ERBB4: variants seen among roughly 807,000 people sequenced by gnomAD.
ERBB4 encodes the protein receptor tyrosine-protein kinase erbB-4.
In ERBB4, 42 loss-of-function variants were observed where a neutral mutation model predicts 158.0. The observed-to-expected ratio is 0.27, with a 90% CI of 0.21 to 0.34. The LOEUF (loss-of-function observed/expected upper bound fraction) is 0.34, where lower values mean the gene tolerates loss of function less well. Among genes scored for constraint, ERBB4 ranks in the 10% least tolerant of loss-of-function variants. The probability of loss-of-function intolerance (pLI) is 1.00; values close to 1 mark genes in which losing one functional copy is unlikely to be tolerated. For missense variants in ERBB4, 1,333 were observed against 1,624.1 expected, an observed-to-expected ratio of 0.82 and a Z score of 3.08; for synonymous variants, 583 against 558.7, an observed-to-expected ratio of 1.04 and a Z score of -0.61.
chr2:211,769,160 A>C (rs1464371744), intron 4 of ERBB4, among the ~76,000 whole-genome samples: 3 of 152,220 alleles, frequency 2.0e-5, no homozygotes. Flanking sequence ...AAATGCTGCC[A>C]GTCTCTTTGC....
At chr2:211,802,475 C>A (rs2076522779) in intron 3 of ERBB4, among the ~76,000 whole-genome samples, 1 of 152,146 alleles carries the variant, frequency 6.6e-6, no homozygotes, top group Non-Finnish European at 1.5e-5. Flanking sequence ...AAGTTCAGAA[C>A]AATTAGCTGG....
In ERBB4 at chr2:211,587,040, T is replaced by C. The variant is rs564200044; in HGVS notation, c.2302-24952A>G. Among the ~76,000 whole-genome samples, 6 of 152,220 alleles carry C rather than the reference T, an allele frequency of 3.9e-5. No individual in the cohort carries two copies. In the South Asian group the frequency reaches 6.2e-4, roughly 16 times the overall value. On this transcript the variant is annotated intron_variant, in intron 19 of 27. Transcript: ENST00000342788. The stretch of plus-strand genomic sequence containing the variant: ...CTATTGTAAAATCAAAAAATTAAGT[T>C]GAACCATTGTAAGTGAGGAACCATC...
At chr2:212,234,035 C>A (rs1352176345) in intron 1 of ERBB4, among the ~76,000 whole-genome samples, 3 of 150,880 alleles carry the variant, frequency 2.0e-5, no homozygotes, top group Non-Finnish European at 4.4e-5. Context: ...GTGCAGAACG[C>A]ACAGGTTTGT....
rs912040311 is a variant in ERBB4, at chr2:211,916,157, AATT to A, written c.421+31270_421+31272del. 5.9e-5 allele frequency among the ~76,000 whole-genome samples: 9 copies of A among 151,338 alleles called. No homozygotes were observed. In the East Asian group the frequency reaches 1.2e-3, roughly 20 times the overall value. ...AAGCCAAGTTTACGCTATTGGATGA[AATT>A]ATTATTATTATTATTATTTATTTTG... On this transcript the variant is annotated intron_variant, in intron 3 of 27. Transcript: ENST00000342788.
chr2:212,126,362 A>C lies in ERBB4; in HGVS notation c.83-1459T>G, dbSNP rs1325237672. 2.0e-5 allele frequency among the ~76,000 whole-genome samples: 3 copies of C among 150,208 alleles called. No homozygotes were observed. The Admixed American group carries it at 2.0e-4, about 10-fold the overall frequency. On this transcript the variant is annotated intron_variant, in intron 1 of 27. Coordinates refer to ENST00000342788, the MANE Select transcript of ERBB4 (RefSeq NM_005235.3). Reference sequence around the variant, plus strand: ...GTAATCCCAGCTACTCGGGAGCCTGAGGCAGGAGAATAACTTGAATCTGGG... The same window carrying C: ...GTAATCCCAGCTACTCGGGAGCCTGCGGCAGGAGAATAACTTGAATCTGGG...
At chr2:211,841,556 T>C (rs886827106) in intron 3 of ERBB4, among the ~76,000 whole-genome samples, 73 of 152,142 alleles carry the variant, frequency 4.8e-4, no homozygotes, top group African/African-American at 1.8e-3. Context: ...ATAAGGATTA[T>C]ATATTTGGAT....
In ERBB4 at chr2:211,844,105, C is replaced by G. The variant is rs976890073; in HGVS notation, c.422-55946G>C. ...TGAAAATACACATCCCTGGCTATTT[C>G]AAGTTCTATGTTAGTGTGAGAAATG... On this transcript the variant is annotated intron_variant, in intron 3 of 27. Transcript: ENST00000342788. Among the ~76,000 whole-genome samples, 4 of 149,944 alleles carry G rather than the reference C, an allele frequency of 2.7e-5. 1 individual carries two copies. Among genetic ancestry groups the G allele is most frequent in the African/African-American group, 4.9e-5 (2 of 40,716 alleles).
At position 211,889,341 on chromosome 2, in the gene ERBB4, C is replaced by G. The variant is rs376578448; in HGVS notation, c.421+58089G>C. Among the ~76,000 whole-genome samples, 119 of 145,826 alleles carry G rather than the reference C, an allele frequency of 8.2e-4. 3 individuals carry two copies. Among genetic ancestry groups the G allele is most frequent in the South Asian group, 7.9e-3 (37 of 4,710 alleles). On this transcript the variant is annotated intron_variant, in intron 3 of 27. Transcript: ENST00000342788. ...CAACAGACCTGCAGCTGAGGGTCCT[C>G]TCTGTTAGAAGGAAAACTAACAAAC...
intron 20 of ERBB4, among the ~76,000 whole-genome samples, chr2:211,515,894 T>C (rs1330763770): frequency 8.7e-6 from 1 of 115,384 alleles, no homozygotes; most frequent in African/African-American, 3.7e-5. Flanking sequence ...TAAAAACATA[T>C]ATTATATATA....
chr2:211,445,822 AC>A (rs2064098305), intron 20 of ERBB4, among the ~76,000 whole-genome samples: 1 of 152,130 alleles, frequency 6.6e-6, no homozygotes, highest in African/African-American at 2.4e-5. Context: ...TTATTCCTCC[AC>A]CCCCAGAGAA....
At chr2:211,572,464 T>C (rs1019540187) in intron 19 of ERBB4, among the ~76,000 whole-genome samples, 24 of 152,260 alleles carry the variant, frequency 1.6e-4, no homozygotes, top group African/African-American at 4.8e-4. Context: ...CCCAAATGGA[T>C]GATGACAACG....
At chr2:211,438,687 G>T (rs1185839667) in intron 20 of ERBB4, among the ~76,000 whole-genome samples, 1 of 152,098 alleles carries the variant, frequency 6.6e-6, no homozygotes, top group Non-Finnish European at 1.5e-5. Context: ...ACTGTTAGGT[G>T]CAATAGCTTC....
intron 2 of ERBB4, among the ~76,000 whole-genome samples, chr2:211,991,134 A>T (rs1012733293): frequency 5.9e-5 from 9 of 152,090 alleles, no homozygotes; most frequent in Non-Finnish European, 1.2e-4. Flanking sequence ...TTTCATATTA[A>T]TATATTCAAC....
chr2:211,482,627 C>T (rs377066323), intron 20 of ERBB4, among the ~76,000 whole-genome samples: 9 of 152,024 alleles, frequency 5.9e-5, no homozygotes, highest in African/African-American at 1.2e-4. Context: ...TTAATCAGGC[C>T]GGGTGCAGTG....
intron 20 of ERBB4, among the ~76,000 whole-genome samples, chr2:211,496,910 T>TAC (rs2065483127): frequency 6.6e-6 from 1 of 152,056 alleles, no homozygotes; most frequent in Non-Finnish European, 1.5e-5. Context: ...TGATATTATA[T>TAC]ACACACACAC....
At chr2:211,908,307 G>A (rs1265097939) in intron 3 of ERBB4, among the ~76,000 whole-genome samples, 1 of 151,770 alleles carries the variant, frequency 6.6e-6, no homozygotes, top group Non-Finnish European at 1.5e-5. Context: ...TCTTTCTAAA[G>A]TATTGTATAT....
chr2:212,245,605 A>G (rs1264632937), intron 1 of ERBB4, among the ~76,000 whole-genome samples: 4 of 151,404 alleles, frequency 2.6e-5, no homozygotes, highest in Non-Finnish European at 5.9e-5. Context: ...AGGTGAAATT[A>G]TATCACAGAA....
chr2:211,769,137 T>C (rs1186592268), intron 4 of ERBB4, among the ~76,000 whole-genome samples: 1 of 152,188 alleles, frequency 6.6e-6, no homozygotes, highest in Non-Finnish European at 1.5e-5. Context: ...CCCAGGTCTC[T>C]AGGGCAGGGG....
chr2:212,181,069 C>T (rs1269638974), intron 1 of ERBB4, among the ~76,000 whole-genome samples: 1 of 151,464 alleles, frequency 6.6e-6, no homozygotes, highest in African/African-American at 2.4e-5. Flanking sequence ...ATAACTGAGA[C>T]CCCAGATGGT....
Sources: gnomAD v4.1 joint callset for allele counts (sites outside exome capture counted in the v4.1 genomes callset) on GRCh38, gnomAD v4.1.1 for gene constraint, MANE v1.5 for transcripts, NCBI Gene and HGNC (gene_info 2026-07-23, HGNC 2026-07-21) for gene names.